The following SOX6 variants were observed in gnomAD, a reference collection of about 807,000 sequenced individuals.
SOX6 encodes SRY-box transcription factor 6, also known as transcription factor SOX-6.
SOX6 carries 11 observed loss-of-function variants against 97.8 expected under a neutral mutation model. The observed-to-expected ratio is 0.11, with a 90% confidence interval of 0.07 to 0.19. The LOEUF is 0.19. SOX6 is among the 10% of genes least tolerant of loss of function. The probability of loss-of-function intolerance (pLI) is 1.00; values close to 1 mark genes in which losing one functional copy is unlikely to be tolerated. For synonymous variants in SOX6, 360 were observed against 371.4 expected (o/e 0.97, Z 0.35); for missense variants, 810 against 1,039.5 (o/e 0.78, Z 3.04).
At chr11:16,320,533 C>T (rs75817865) in intron 2 of SOX6, among the ~76,000 whole-genome samples, 8,412 of 152,056 alleles carry the variant, frequency 0.055, 299 homozygotes, top group Non-Finnish European at 0.08. Flanking sequence ...TAAGGCACCA[C>T]GGCATAGTGC....
intron 4 of SOX6, among the ~76,000 whole-genome samples, chr11:16,507,101 T>C (rs1860801164): frequency 6.6e-6 from 1 of 151,892 alleles, no homozygotes; most frequent in African/African-American, 2.4e-5. Context: ...AAAATAAAAG[T>C]GTGTAGCACC....
chr11:16,144,414 G>C (rs980661805), intron 6 of SOX6, among the ~76,000 whole-genome samples: 2 of 152,026 alleles, frequency 1.3e-5, no homozygotes. Flanking sequence ...GATCTAAAAT[G>C]GACACCCTAA....
chr11:16,453,675 C>T (rs1243733824), intron 1 of SOX6, among the ~76,000 whole-genome samples: 1 of 152,044 alleles, frequency 6.6e-6, no homozygotes, highest in East Asian at 1.9e-4. Context: ...AGTTATATTG[C>T]TAAGCTAAAA....
chr11:16,362,176 G>A (rs1866109), intron 1 of SOX6, among the ~76,000 whole-genome samples: 90,965 of 151,966 alleles, frequency 0.6, 27,588 homozygotes, highest in East Asian at 0.81. Context: ...AGTATCTTGT[G>A]TTACAGAGGG....
intron 5 of SOX6, among the ~76,000 whole-genome samples, chr11:16,184,646 A>G (rs1338954213): frequency 6.6e-6 from 1 of 152,140 alleles, no homozygotes; most frequent in Non-Finnish European, 1.5e-5. Context: ...TCAACATCTA[A>G]ACACATTATC....
chr11:16,411,255 A>G (rs180699399), intron 1 of SOX6, among the ~76,000 whole-genome samples: 6 of 152,298 alleles, frequency 3.9e-5, no homozygotes, highest in African/African-American at 1.2e-4. Context: ...GAGGACTTTC[A>G]AAGGTTAATT....
At chr11:16,112,396 T>C (rs1305599245) in intron 6 of SOX6, among the ~76,000 whole-genome samples, 10 of 152,148 alleles carry the variant, frequency 6.6e-5, no homozygotes, top group Admixed American at 6.5e-4. Context: ...CCAGTTTAGG[T>C]ATCTTATTTC....
chr11:16,369,448 G>A (rs1054367647), intron 1 of SOX6, among the ~76,000 whole-genome samples: 1 of 152,030 alleles, frequency 6.6e-6, no homozygotes, highest in African/African-American at 2.4e-5. Flanking sequence ...CATGAGAACT[G>A]AAAAGTATTT....
At chr11:16,338,206 G>T (rs928808898) in intron 2 of SOX6, among the ~76,000 whole-genome samples, 1 of 151,694 alleles carries the variant, frequency 6.6e-6, no homozygotes, top group African/African-American at 2.4e-5. Context: ...TATTTTTTGC[G>T]ACTCTAAGTA....
At chr11:16,328,823 A>G (rs1415965552) in intron 2 of SOX6, among the ~76,000 whole-genome samples, 1 of 152,132 alleles carries the variant, frequency 6.6e-6, no homozygotes, top group African/African-American at 2.4e-5. Flanking sequence ...TAAATTGCAA[A>G]CATTTACGGT....
intron 9 of SOX6, among the ~76,000 whole-genome samples, chr11:16,077,099 C>T (rs1848374102): frequency 6.6e-6 from 1 of 152,144 alleles, no homozygotes; most frequent in Non-Finnish European, 1.5e-5. Flanking sequence ...AACTCACTCA[C>T]TATTATGAGA....
At chr11:16,349,329 C>T (rs529235494) in intron 1 of SOX6, among the ~76,000 whole-genome samples, 53 of 152,006 alleles carry the variant, frequency 3.5e-4, no homozygotes, top group Non-Finnish European at 6.8e-4. Flanking sequence ...ATATGTCCTA[C>T]AGCTAGGCCT....
At chr11:16,475,487 A>G (rs1011846105) in intron 1 of SOX6, among the ~76,000 whole-genome samples, 1 of 152,186 alleles carries the variant, frequency 6.6e-6, no homozygotes, top group African/African-American at 2.4e-5. Flanking sequence ...CTCAGAGAAC[A>G]GGGTGGCTCA....
chr11:16,589,152 G>A (rs1848124815), intron 4 of SOX6, among the ~76,000 whole-genome samples: 1 of 152,224 alleles, frequency 6.6e-6, no homozygotes, highest in African/African-American at 2.4e-5. Flanking sequence ...CTATGTCCCA[G>A]AAGAGTGTCA....
chr11:16,386,556 C>T (rs974237096), intron 1 of SOX6, among the ~76,000 whole-genome samples: 1 of 152,060 alleles, frequency 6.6e-6, no homozygotes, highest in Non-Finnish European at 1.5e-5. Flanking sequence ...AAGACCTGAT[C>T]TTCTCTAACT....
At chr11:16,240,279 T>TGC (rs1853146787) in intron 3 of SOX6, among the ~76,000 whole-genome samples, 1 of 134,698 alleles carries the variant, frequency 7.4e-6, no homozygotes, top group Non-Finnish European at 1.6e-5. Context: ...TAATATAGTG[T>TGC]GTGTGTGTGT....
intron 1 of SOX6, among the ~76,000 whole-genome samples, chr11:16,371,466 CT>C (rs145034253): frequency 0.025 from 3,755 of 151,438 alleles, 138 homozygotes; most frequent in African/African-American, 0.077. Flanking sequence ...CTTACTTTTT[CT>C]TTTTTTTAAA....
intron 4 of SOX6, among the ~76,000 whole-genome samples, chr11:16,517,454 A>G (rs1860991448): frequency 6.6e-6 from 1 of 152,236 alleles, no homozygotes; most frequent in Admixed American, 6.5e-5. Flanking sequence ...TTGATGTAAG[A>G]GAGGAATGTG....
intron 6 of SOX6, among the ~76,000 whole-genome samples, chr11:16,174,740 T>C (rs1851138130): frequency 6.6e-6 from 1 of 151,940 alleles, no homozygotes; most frequent in South Asian, 2.1e-4. Flanking sequence ...AACAACTTTA[T>C]TTTCAGCAAG....
Sources: gnomAD v4.1 joint callset for allele counts (sites outside exome capture counted in the v4.1 genomes callset) on GRCh38, gnomAD v4.1.1 for gene constraint, MANE v1.5 for transcripts, NCBI Gene and HGNC (gene_info 2026-07-23, HGNC 2026-07-21) for gene names.